The following EIF2AK4 variants were observed in gnomAD, a reference collection of about 807,000 sequenced individuals.
The protein encoded by EIF2AK4 is eukaryotic translation initiation factor 2 alpha kinase 4.
Under a neutral mutation model 211.1 loss-of-function variants are expected in EIF2AK4, and 139 were observed. The ratio of observed to expected loss-of-function variants is 0.66; its 90% CI spans 0.57 to 0.76. The LOEUF (loss-of-function observed/expected upper bound fraction) is 0.76. EIF2AK4 is among the 30% of genes least tolerant of loss of function. The pLI is 0.00. For missense variants in EIF2AK4, 1,664 were observed against 2,043.8 expected, an observed-to-expected ratio of 0.81 and a Z score of 3.58; for synonymous variants, 710 against 751.3, an observed-to-expected ratio of 0.94 and a Z score of 0.90.
chr15:39,952,568 G>A (rs1006327889), intron 4 of EIF2AK4, among the ~76,000 whole-genome samples: 14 of 151,998 alleles, frequency 9.2e-5, no homozygotes, highest in African/African-American at 3.4e-4. Context: ...GAGCCACCGT[G>A]CCCAGCACCA....
At chr15:40,011,459 G>A (rs1298212668) in intron 27 of EIF2AK4, 113 bp downstream of exon 27, 4 of 818,266 alleles carry the variant, frequency 4.9e-6, no homozygotes, top group East Asian at 2.8e-5. Context: ...CTACCACCTC[G>A]CAGATGCAGT....
intron 7 of EIF2AK4, among the ~76,000 whole-genome samples, chr15:39,962,477 G>T (rs1254389270): frequency 6.6e-6 from 1 of 152,006 alleles, no homozygotes. Context: ...TTGTTGTTGA[G>T]ACAGGGTGTT....
At position 40,002,711 on chromosome 15, in the gene EIF2AK4, A is replaced by G. The variant is rs1248821884; in HGVS notation, c.3160-2A>G. On this transcript the variant is annotated splice_acceptor_variant, in intron 21 of 38. Transcript: ENST00000263791. LOFTEE classifies it high-confidence loss of function. Reference sequence around the variant, plus strand: ...ATGATGTTTTAATCGGTCCTGTTTTAGGGCAACTTCTCAATCCGTACAGCC... The same window carrying G: ...ATGATGTTTTAATCGGTCCTGTTTTGGGGCAACTTCTCAATCCGTACAGCC... 6.2e-7 allele frequency: 1 copy of G among 1,614,168 alleles called. No homozygotes were observed. The highest frequency in any genetic ancestry group is 8.5e-7 in the Non-Finnish European group (1 of 1,179,992).
chr15:40,002,720 T>A lies in EIF2AK4; in HGVS notation c.3167T>A (p.Phe1056Tyr). ...TYDSDILKGN[F>Y]SIRTAKMQQH... ...TAATCGGTCCTGTTTTAGGGCAACT[T>A]CTCAATCCGTACAGCCAAGATGCAG... is the stretch of plus-strand genomic sequence containing the variant. Residue 1056 changes from phenylalanine (F) to tyrosine (Y), a missense_variant, in exon 22 of 39, where the codon TTC becomes TAC. By Grantham distance (22) the Phe-to-Tyr change is conservative. This residue lies in a region of EIF2AK4 where 622 missense variants were observed against 796.8 expected (regional missense o/e 0.78). Transcript: ENST00000263791. The A allele has an allele frequency of 6.2e-7, 1 of 1,614,196 alleles. No individual in the cohort carries two copies. The highest frequency in any genetic ancestry group is 8.5e-7 in the Non-Finnish European group (1 of 1,180,030).
At chr15:39,954,055 T>C in intron 5 of EIF2AK4, 71 bp downstream of exon 5, 1 of 1,242,966 alleles carries the variant, frequency 8.0e-7, no homozygotes, top group Non-Finnish European at 1.1e-6. Flanking sequence ...ACTGATGACA[T>C]CTGTGTTACT....
intron 32 of EIF2AK4, 146 bp downstream of exon 32, chr15:40,022,751 T>G: frequency 1.5e-6 from 1 of 661,292 alleles, no homozygotes; most frequent in Non-Finnish European, 2.5e-6. Flanking sequence ...CTTTTTTTTT[T>G]TTGAGACGGA....
At chr15:39,984,635 A>G (rs1257167554) in intron 13 of EIF2AK4, among the ~76,000 whole-genome samples, 3 of 152,212 alleles carry the variant, frequency 2.0e-5, no homozygotes, top group African/African-American at 7.2e-5. Context: ...GAATTCACTC[A>G]TGATTTGGCT....
At chr15:39,956,590 T>C (rs1318322098) in intron 6 of EIF2AK4, among the ~76,000 whole-genome samples, 1 of 152,214 alleles carries the variant, frequency 6.6e-6, no homozygotes, top group Non-Finnish European at 1.5e-5. Context: ...CTGTCACCAC[T>C]GGTCACTTAA....
chr15:40,006,669 T>A (rs2291625), intron 23 of EIF2AK4, among the ~76,000 whole-genome samples: 79,516 of 151,988 alleles, frequency 0.52, 21,116 homozygotes, highest in Admixed American at 0.56. Flanking sequence ...GACATTTTTT[T>A]TAAATTCATA....
chr15:40,024,403 CTTT>C lies in EIF2AK4; in HGVS notation c.4390-1553_4390-1551del, dbSNP rs554877205. 6.5e-3 allele frequency among the ~76,000 whole-genome samples: 590 copies of C among 90,546 alleles called. 1 individual carries two copies. The highest frequency in any genetic ancestry group is 0.025 in the African/African-American group (571 of 23,142). 59.4% of individuals were successfully genotyped at this position (90,546 alleles called of 152,430 possible). On this transcript the variant is annotated intron_variant, in intron 32 of 38. Transcript: ENST00000263791. The stretch of plus-strand genomic sequence containing the variant: ...TACACAGTCACTAGGTTGAGTTTTC[CTTT>C]TTTTTTTTTTTTTTTTTTTTGAGAT...
intron 31 of EIF2AK4, chr15:40,022,137 C>A: frequency 5.9e-6 from 1 of 170,438 alleles, no homozygotes; most frequent in Non-Finnish European, 1.2e-5. Context: ...TTCACCTTCC[C>A]TTATTTCCTT....
intron 28 of EIF2AK4, 100 bp from the exon 29 acceptor site, chr15:40,017,008 T>C (rs148950795): frequency 2.8e-6 from 4 of 1,449,678 alleles, no homozygotes; most frequent in Non-Finnish European, 3.8e-6. Context: ...GCTAAATAGA[T>C]TGTTCTGATG....
Position 40,028,543 on chromosome 15 carries a change from C to A in EIF2AK4, c.4503-863C>A, listed in dbSNP as rs905247494. On this transcript the variant is annotated intron_variant, in intron 33 of 38. Coordinates refer to ENST00000263791, the MANE Select transcript of EIF2AK4 (RefSeq NM_001013703.4). ...ATCCTAAAGGGTACAGGACTACTAC[C>A]CCCCAACAGAGAATTTTCTGGCCTA... Among the ~76,000 whole-genome samples, 3 of 151,704 alleles carry A rather than the reference C, an allele frequency of 2.0e-5. No homozygotes were observed. In the East Asian group the frequency reaches 5.8e-4, roughly 29 times the overall value.
chr15:39,969,351 T>A (rs908848265), intron 9 of EIF2AK4, among the ~76,000 whole-genome samples: 1 of 141,048 alleles, frequency 7.1e-6, no homozygotes, highest in African/African-American at 2.7e-5. Context: ...GCACAATTTC[T>A]TATTCTTTTT....
chr15:39,987,887 T>C, intron 14 of EIF2AK4, 96 bp from the exon 15 acceptor site: 1 of 1,415,882 alleles, frequency 7.1e-7, no homozygotes, highest in Non-Finnish European at 9.7e-7. Flanking sequence ...AAACCCATGG[T>C]ACACGTTTTA....
Position 40,025,992 on chromosome 15 carries a change from A to C in EIF2AK4, c.4405A>C (p.Lys1469Gln). The change falls in exon 33 of 39, where the codon AAG becomes CAG. Residue 1469 changes from lysine (K) to glutamine (Q), a missense_variant. Physicochemically the swap from Lys to Gln is moderately conservative, Grantham distance 53. Transcript: ENST00000263791. ...TCTTTTTAAGGTTAAGTCTTTCGAG[A>C]AGGAAAGGCAGACAGAGAAGCGTGT... ...GSHVKVKSFE[K>Q]ERQTEKRVLE... 6.2e-7 allele frequency: 1 copy of C among 1,614,072 alleles called. No homozygotes were observed. The highest frequency in any genetic ancestry group is 8.5e-7 in the Non-Finnish European group (1 of 1,179,992).
At chr15:39,979,274 G>A (rs1341991206) in intron 13 of EIF2AK4, among the ~76,000 whole-genome samples, 5 of 152,178 alleles carry the variant, frequency 3.3e-5, no homozygotes, top group African/African-American at 9.7e-5. Flanking sequence ...AGGGGGAAAA[G>A]ACTACACTCC....
At chr15:39,979,255 C>T (rs184883488) in intron 13 of EIF2AK4, among the ~76,000 whole-genome samples, 70 of 152,172 alleles carry the variant, frequency 4.6e-4, no homozygotes, top group Admixed American at 1.3e-3. Context: ...TTGATTAATG[C>T]GTAGCCTAAG....
At position 39,995,321 on chromosome 15, in the gene EIF2AK4, C is replaced by G. The variant is rs143542204; in HGVS notation, c.2767-1643C>G. Among the ~76,000 whole-genome samples, 283 of 152,260 alleles carry G rather than the reference C, an allele frequency of 1.9e-3. 1 individual carries two copies. Among genetic ancestry groups the G allele is most frequent in the African/African-American group, 6.6e-3 (274 of 41,536 alleles). ...AATGTTTTTAAGATGTCGGAGGTCA[C>G]CAGTGACAATCCAAGAGTCTCGCCG... On this transcript the variant is annotated intron_variant, in intron 18 of 38. Coordinates refer to ENST00000263791, the MANE Select transcript of EIF2AK4 (RefSeq NM_001013703.4).
Sources: gnomAD v4.1 joint callset for allele counts (sites outside exome capture counted in the v4.1 genomes callset) on GRCh38, gnomAD v4.1.1 for gene constraint, gnomAD v4.1.1 regional missense constraint, MANE v1.5 for transcripts, NCBI Gene and HGNC (gene_info 2026-07-23, HGNC 2026-07-21) for gene names.